Variants in KLKB1 observed in about 807,000 individuals in gnomAD.
KLKB1 encodes kallikrein B1.
A neutral mutation model predicts 73.6 loss-of-function variants in KLKB1; 58 were observed. The observed-to-expected ratio is 0.79, with a 90% confidence interval of 0.64 to 0.98. The LOEUF (loss-of-function observed/expected upper bound fraction) is 0.98. KLKB1 is among the 50% of genes least tolerant of loss of function. The pLI is 0.00. For missense variants in KLKB1, 737 were observed against 763.8 expected (o/e 0.96, Z 0.41); for synonymous variants, 280 against 258.1 (o/e 1.08, Z -0.81).
In KLKB1 at chr4:186,258,258, C is replaced by T. The variant is rs1397271946; in HGVS notation, c.*46C>T. 1 of 1,538,152 alleles carries T rather than the reference C, an allele frequency of 6.5e-7. No individual in the cohort carries two copies. Among genetic ancestry groups the T allele is most frequent in the Non-Finnish European group, 8.9e-7 (1 of 1,120,416 alleles). On this transcript the variant is annotated 3_prime_UTR_variant, in exon 15 of 15. Transcript: ENST00000264690. The stretch of plus-strand genomic sequence containing the variant: ...CAATTTTTACAACCTGAGTTCAAGT[C>T]AAATTCTGAGCCTGGGGGGTCCTCA...
intron 2 of KLKB1, among the ~76,000 whole-genome samples, chr4:186,218,518 A>G (rs1322602613): frequency 6.6e-6 from 1 of 152,142 alleles, no homozygotes; most frequent in African/African-American, 2.4e-5. Context: ...TGTATCATTT[A>G]CAAATAAAAA....
chr4:186,245,080 C>T (rs991485791), intron 6 of KLKB1, among the ~76,000 whole-genome samples: 2 of 152,058 alleles, frequency 1.3e-5, no homozygotes, highest in African/African-American at 2.4e-5. Context: ...TAAAATGCCT[C>T]GACCTAGTAA....
At chr4:186,237,373 A>G (rs1346888305) in intron 5 of KLKB1, among the ~76,000 whole-genome samples, 1 of 152,236 alleles carries the variant, frequency 6.6e-6, no homozygotes, top group Non-Finnish European at 1.5e-5. Flanking sequence ...CTGGGATTAC[A>G]GGCATGAGCC....
At chr4:186,234,437 C>T (rs1421290473) in intron 4 of KLKB1, among the ~76,000 whole-genome samples, 1 of 152,216 alleles carries the variant, frequency 6.6e-6, no homozygotes, top group East Asian at 1.9e-4. Flanking sequence ...GTGATTTTGT[C>T]TCTTCCACTG....
At chr4:186,237,287 C>T (rs368002421) in intron 5 of KLKB1, among the ~76,000 whole-genome samples, 1 of 151,868 alleles carries the variant, frequency 6.6e-6, no homozygotes, top group Admixed American at 6.6e-5. Flanking sequence ...TTAGTAGAGT[C>T]GGGGTTTTAC....
At chr4:186,245,340 A>G (rs1412986313) in intron 6 of KLKB1, among the ~76,000 whole-genome samples, 1 of 152,194 alleles carries the variant, frequency 6.6e-6, no homozygotes, top group Admixed American at 6.5e-5. Context: ...ATGGTCCAGG[A>G]GGCTTCTAAG....
chr4:186,253,088 C>T (rs1396570808), intron 11 of KLKB1, among the ~76,000 whole-genome samples: 1 of 152,034 alleles, frequency 6.6e-6, no homozygotes, highest in Admixed American at 6.5e-5. Flanking sequence ...AGTAATAGTC[C>T]CGAATTTGTA....
At chr4:186,257,930 G>A in intron 14 of KLKB1, 91 bp from the exon 15 acceptor site, 1 of 1,076,220 alleles carries the variant, frequency 9.3e-7, no homozygotes, top group Non-Finnish European at 1.4e-6. Flanking sequence ...GTGTGTTGCT[G>A]TGTAGTGGAC....
chr4:186,255,941 T>C, intron 12 of KLKB1, 51 bp from the exon 13 acceptor site: 1 of 1,066,144 alleles, frequency 9.4e-7, no homozygotes, highest in East Asian at 2.4e-5. Flanking sequence ...TTTTAAAGTC[T>C]ATATCCATAA....
rs78838147 is a variant in KLKB1, at chr4:186,235,031, A to G, written c.328+973A>G. Among the ~76,000 whole-genome samples the G allele has an allele frequency of 2.7e-3, 412 of 152,314 alleles. 3 individuals are homozygous for G. In the East Asian group the frequency reaches 0.034, roughly 12 times the overall value. ...CTCCCTCATTGATATCACCTCTTCAATACGTACACACTTTGAGCCTGCTGT... is the reference window on the plus strand; with the variant it reads ...CTCCCTCATTGATATCACCTCTTCAGTACGTACACACTTTGAGCCTGCTGT... On this transcript the variant is annotated intron_variant, in intron 4 of 14. Coordinates refer to ENST00000264690, the MANE Select transcript of KLKB1 (RefSeq NM_000892.5).
chr4:186,239,054 ATATTGT>A (rs1200372239), intron 6 of KLKB1, among the ~76,000 whole-genome samples: 1 of 135,634 alleles, frequency 7.4e-6, no homozygotes, highest in Admixed American at 7.2e-5. Flanking sequence ...AGGTACAGTG[ATATTGT>A]TATAGTTATA....
chr4:186,223,751 G>C (rs1414252153), upstream of KLKB1, among the ~76,000 whole-genome samples: 1 of 152,214 alleles, frequency 6.6e-6, no homozygotes, highest in Non-Finnish European at 1.5e-5. Flanking sequence ...TTTGCAGCCT[G>C]ACCATGTGGT....
At chr4:186,250,775 C>G (rs940707958) in intron 7 of KLKB1, among the ~76,000 whole-genome samples, 9 of 152,068 alleles carry the variant, frequency 5.9e-5, no homozygotes, top group African/African-American at 2.2e-4. Flanking sequence ...TGCCTCTTCT[C>G]TTTGTTTCAG....
At chr4:186,240,166 C>A (rs1296915410) in intron 6 of KLKB1, among the ~76,000 whole-genome samples, 1 of 150,622 alleles carries the variant, frequency 6.6e-6, no homozygotes, top group East Asian at 2.0e-4. Flanking sequence ...CTTATAGTTA[C>A]CGTGGTATAG....
chr4:186,219,095 G>A (rs964661336), intron 2 of KLKB1, among the ~76,000 whole-genome samples: 2 of 152,148 alleles, frequency 1.3e-5, no homozygotes, highest in South Asian at 2.1e-4. Flanking sequence ...GTCCTTCCAC[G>A]TTCCTCTGCC....
At chr4:186,255,824 G>A (rs375462574) in intron 12 of KLKB1, among the ~76,000 whole-genome samples, 168 bp from the exon 13 acceptor site, 2 of 152,192 alleles carry the variant, frequency 1.3e-5, no homozygotes, top group East Asian at 3.8e-4. Context: ...AAAAATGGTG[G>A]TGACAAATTT....
chr4:186,254,373 T>C (rs1267219855), intron 11 of KLKB1, among the ~76,000 whole-genome samples: 1 of 152,232 alleles, frequency 6.6e-6, no homozygotes, highest in Non-Finnish European at 1.5e-5. Flanking sequence ...TGCAATTACA[T>C]AAATGTACAC....
At chr4:186,211,801 A>G (rs1736732474) in intron 2 of KLKB1, 1 of 152,182 alleles carries the variant, frequency 6.6e-6, no homozygotes. Flanking sequence ...TAATCATTAT[A>G]GTACTTTTCA....
chr4:186,223,981 C>T (rs945670298), upstream of KLKB1, among the ~76,000 whole-genome samples: 3 of 152,248 alleles, frequency 2.0e-5, no homozygotes, highest in Non-Finnish European at 4.4e-5. Context: ...GACTTGGTGC[C>T]CTGTGCCCCA....
Sources: gnomAD v4.1 joint callset for allele counts (sites outside exome capture counted in the v4.1 genomes callset) on GRCh38, gnomAD v4.1.1 for gene constraint, MANE v1.5 for transcripts, NCBI Gene and HGNC (gene_info 2026-07-23, HGNC 2026-07-21) for gene names.